The following CHMP3 variants were observed in gnomAD, a reference collection of about 807,000 sequenced individuals.
CHMP3 encodes the protein charged multivesicular body protein 3, also known as 25.1 protein.
CHMP3 carries 8 observed loss-of-function variants against 27.4 expected under a neutral mutation model. That is an observed-to-expected ratio of 0.29 (90% confidence interval 0.17 to 0.53). The LOEUF is 0.53. Among genes scored for constraint, CHMP3 ranks in the 20% least tolerant of loss-of-function variants. The probability of loss-of-function intolerance (pLI) is 0.96; values close to 1 mark genes in which losing one functional copy is unlikely to be tolerated. For missense variants in CHMP3, 208 were observed against 271.5 expected, an observed-to-expected ratio of 0.77 and a Z score of 1.64; for synonymous variants, 86 against 85.5, an observed-to-expected ratio of 1.01 and a Z score of -0.03.
intron 4 of CHMP3, among the ~76,000 whole-genome samples, chr2:86,508,514 G>A (rs894518189): frequency 2.0e-5 from 3 of 152,160 alleles, no homozygotes; most frequent in Admixed American, 2.0e-4. Flanking sequence ...GAGGGCATGG[G>A]TTCAGGTTTC....
At chr2:86,542,146 T>C in intron 2 of CHMP3, 106 bp downstream of exon 2, 2 of 1,169,352 alleles carry the variant, frequency 1.7e-6, no homozygotes, top group Non-Finnish European at 2.5e-6. Context: ...ATAACTGATA[T>C]AGGAATAAAC....
At chr2:86,543,416 T>C (rs1243815999) in intron 1 of CHMP3, among the ~76,000 whole-genome samples, 1 of 152,230 alleles carries the variant, frequency 6.6e-6, no homozygotes, top group Non-Finnish European at 1.5e-5. Context: ...TTCTCACACT[T>C]GTATACCTAA....
intron 1 of CHMP3, among the ~76,000 whole-genome samples, chr2:86,546,591 C>G (rs903597075): frequency 6.6e-6 from 1 of 152,056 alleles, no homozygotes. Flanking sequence ...GCGCTCACCA[C>G]CACACCTGGC....
At chr2:86,513,728 G>T (rs1364776013) in intron 3 of CHMP3, among the ~76,000 whole-genome samples, 1 of 152,138 alleles carries the variant, frequency 6.6e-6, no homozygotes, top group Non-Finnish European at 1.5e-5. Flanking sequence ...TAATAGAAGG[G>T]TCGTCTGCAT....
intron 2 of CHMP3, among the ~76,000 whole-genome samples, chr2:86,538,874 T>C (rs1203432098): frequency 6.6e-6 from 1 of 152,184 alleles, no homozygotes; most frequent in East Asian, 1.9e-4. Flanking sequence ...AAGTATAACA[T>C]ATATACAGAA....
intron 2 of CHMP3, among the ~76,000 whole-genome samples, chr2:86,541,814 T>C (rs899433823): frequency 2.0e-5 from 3 of 152,184 alleles, no homozygotes; most frequent in Non-Finnish European, 4.4e-5. Context: ...TCTCCAATCA[T>C]GAAAGTGTTA....
At chr2:86,543,502 A>G (rs1403042599) in intron 1 of CHMP3, among the ~76,000 whole-genome samples, 2 of 152,228 alleles carry the variant, frequency 1.3e-5, no homozygotes, top group African/African-American at 4.8e-5. Context: ...TACACAAAAA[A>G]TACTTCCACA....
intron 2 of CHMP3, among the ~76,000 whole-genome samples, chr2:86,531,930 T>C (rs1675940128): frequency 6.6e-6 from 1 of 152,202 alleles, no homozygotes; most frequent in Non-Finnish European, 1.5e-5. Flanking sequence ...TTTTGATTAT[T>C]TAGGGTCTCT....
intron 5 of CHMP3, 69 bp from the exon 6 acceptor site, chr2:86,506,018 T>C (rs1476267397): frequency 3.5e-6 from 5 of 1,443,706 alleles, no homozygotes; most frequent in Non-Finnish European, 4.6e-6. Flanking sequence ...TTCCCTGCCT[T>C]TCATTCCTGG....
At chr2:86,524,506 T>C (rs1347985763) in intron 3 of CHMP3, among the ~76,000 whole-genome samples, 3 of 152,216 alleles carry the variant, frequency 2.0e-5, no homozygotes, top group Non-Finnish European at 2.9e-5. Context: ...CAATATAGTA[T>C]AACTATTATT....
intron 1 of CHMP3, chr2:86,561,998 C>T (rs1573316713): frequency 2.0e-5 from 3 of 152,210 alleles, no homozygotes; most frequent in South Asian, 4.1e-4. Flanking sequence ...ACAGATGTCA[C>T]AAAATGTGCA....
In CHMP3 at chr2:86,563,336, C is replaced by T. The variant is rs1286901822; in HGVS notation, c.13G>A (p.Gly5Arg). 10 of 1,614,024 alleles carry T rather than the reference C, an allele frequency of 6.2e-6. No homozygotes were observed. Among genetic ancestry groups the T allele is most frequent in the Admixed American group, 3.3e-5 (2 of 60,004 alleles). Residue 5 changes from glycine to arginine, a missense_variant, in exon 1 of 6, where the codon GGA (glycine) becomes AGA (arginine). Gly to Arg is a moderately radical substitution (Grantham distance 125). Coordinates refer to ENST00000263856, the MANE Select transcript of CHMP3 (RefSeq NM_016079.4). ...TTGGGCGGCTTCTCCTGGGTCTTTC[C>T]AAACAGCCCCATGACGAACTGAACC... MGLF[G>R]KTQEKPPKEL...
rs531281034 is a variant in CHMP3 at position 86,545,480 on chromosome 2, C to T, written c.46-3168G>A. 5.6e-3 allele frequency among the ~76,000 whole-genome samples: 757 copies of T among 135,984 alleles called. 11 individuals are homozygous for T. The highest frequency in any genetic ancestry group is 9.0e-3 in the South Asian group (37 of 4,092). The allele number at this position is 135,984 out of a possible 152,430, so 89.2% of individuals were successfully genotyped here. A position where few individuals can be genotyped will look rare whatever the true frequency, so the allele number is the denominator to read the frequency against. On this transcript the variant is annotated intron_variant, in intron 1 of 5. Transcript: ENST00000263856. Reference sequence around the variant, plus strand: ...CCTGGACGGGGCGGCCGGGCAGAGGCGCTCCTCACATCCCAGATGGGGCGA... The same window carrying T: ...CCTGGACGGGGCGGCCGGGCAGAGGTGCTCCTCACATCCCAGATGGGGCGA...
At chr2:86,527,081 T>C (rs1386591545) in intron 3 of CHMP3, 1 of 151,814 alleles carries the variant, frequency 6.6e-6, no homozygotes, top group Non-Finnish European at 1.5e-5. Context: ...ATATATATAA[T>C]ATAGAAGCAG....
chr2:86,536,517 T>C (rs1240048961), intron 2 of CHMP3, among the ~76,000 whole-genome samples: 1 of 151,512 alleles, frequency 6.6e-6, no homozygotes, highest in Non-Finnish European at 1.5e-5. Flanking sequence ...TCTTTCAGTA[T>C]TGAATCCACT....
rs116878556 is a variant in CHMP3, at chr2:86,510,254, G to C, written c.408+104C>G. The C allele has an allele frequency of 6.4e-4, 961 of 1,507,366 alleles. 11 individuals carry two copies. The East Asian group carries it at 8.8e-3, about 14-fold the overall frequency. The allele number at this position is 1,507,366 out of a possible 1,614,324, so 93.4% of individuals were successfully genotyped here. ...TCCTTAAAATTAATTCTGTCTAGCAGGTGTAGTCTGTTCATCCCCACCCAC... is the reference window on the plus strand; with the variant it reads ...TCCTTAAAATTAATTCTGTCTAGCACGTGTAGTCTGTTCATCCCCACCCAC... On this transcript the variant is annotated intron_variant, in intron 4 of 5. Transcript: ENST00000263856.
At chr2:86,540,104 T>G (rs1305259480) in intron 2 of CHMP3, among the ~76,000 whole-genome samples, 1 of 152,072 alleles carries the variant, frequency 6.6e-6, no homozygotes, top group East Asian at 1.9e-4. Flanking sequence ...TTTGTCTTTT[T>G]GGGGGGTTAT....
intron 3 of CHMP3, among the ~76,000 whole-genome samples, chr2:86,526,680 C>CTA (rs1228140911): frequency 0.014 from 2,076 of 149,638 alleles, 40 homozygotes; most frequent in African/African-American, 0.042. Flanking sequence ...CTCTCTCTCT[C>CTA]TCTATATATA....
chr2:86,513,463 C>T (rs1311515095), intron 3 of CHMP3, among the ~76,000 whole-genome samples: 3 of 152,118 alleles, frequency 2.0e-5, no homozygotes, highest in African/African-American at 7.2e-5. Flanking sequence ...ATCGAATGTA[C>T]AACACCAAGA....
Sources: gnomAD v4.1 joint callset for allele counts (sites outside exome capture counted in the v4.1 genomes callset) on GRCh38, gnomAD v4.1.1 for gene constraint, MANE v1.5 for transcripts, NCBI Gene and HGNC (gene_info 2026-07-23, HGNC 2026-07-21) for gene names.